The following NT5DC3 variants were observed in gnomAD, a reference collection of about 807,000 sequenced individuals.
NT5DC3 encodes the protein 5'-nucleotidase domain containing 3.
A neutral mutation model predicts 67.8 loss-of-function variants in NT5DC3; 42 were observed. The ratio of observed to expected loss-of-function variants is 0.62; its 90% CI spans 0.48 to 0.80. The LOEUF (loss-of-function observed/expected upper bound fraction) is 0.80, where lower values mean the gene tolerates loss of function less well. Ranked by LOEUF, NT5DC3 falls within the 30% of genes least tolerant of loss-of-function variation. NT5DC3 has a pLI of 0.00. For synonymous variants in NT5DC3, 237 were observed against 255.6 expected (o/e 0.93, Z 0.69); for missense variants, 570 against 696.4 (o/e 0.82, Z 2.04).
chr12:103,799,900 A>G (rs145186292), intron 4 of NT5DC3, among the ~76,000 whole-genome samples: 3 of 151,736 alleles, frequency 2.0e-5, no homozygotes, highest in African/African-American at 7.2e-5. Flanking sequence ...ATTCACCTGG[A>G]CTCATCCACT....
At chr12:103,813,174 C>A (rs1218640346) in intron 2 of NT5DC3, among the ~76,000 whole-genome samples, 1 of 152,202 alleles carries the variant, frequency 6.6e-6, no homozygotes, top group Non-Finnish European at 1.5e-5. Context: ...ACTGAAATGC[C>A]AGCACCAATA....
the NT5DC3 span, among the ~76,000 whole-genome samples, chr12:103,746,871 A>G: frequency 6.6e-6 from 1 of 151,132 alleles, no homozygotes; most frequent in Admixed American, 6.6e-5. Context: ...CTCATGCTTG[A>G]TCTGCTCACC....
Position 103,793,216 on chromosome 12 carries a change from C to T in NT5DC3, c.967G>A (p.Asp323Asn), listed in dbSNP as rs1417745565. ...TTCTCAGCCTGAACAATGACCACAT[C>T]GAACAGGTCCCTCCAGTCTTTCCCA... is the stretch of plus-strand genomic sequence containing the variant. ...IVGKDWRDLF[D>N]VVIVQAEKPN... Residue 323 changes from aspartate to asparagine, a missense_variant, in exon 9 of 14, where the codon GAT becomes AAT. Physicochemically the swap from Asp to Asn is conservative, Grantham distance 23. This residue lies in a region of NT5DC3 where 466 missense variants were observed against 608.0 expected (regional missense o/e 0.77). Transcript: ENST00000392876. 5.0e-6 allele frequency: 8 copies of T among 1,609,192 alleles called. No individual in the cohort carries two copies. Among genetic ancestry groups the T allele is most frequent in the Non-Finnish European group, 6.8e-6 (8 of 1,178,996 alleles).
At chr12:103,753,950 G>T in the NT5DC3 span, among the ~76,000 whole-genome samples, 1 of 152,166 alleles carries the variant, frequency 6.6e-6, no homozygotes, top group Non-Finnish European at 1.5e-5. Context: ...GGAAGGAAAC[G>T]GAGCTCTTTG....
chr12:103,774,304 G>C lies in NT5DC3; in HGVS notation c.*3525C>G, dbSNP rs536475818. 6.6e-6 allele frequency: 1 copy of C among 152,214 alleles called. No individual in the cohort carries two copies. Among genetic ancestry groups the C allele is most frequent in the Non-Finnish European group, 1.5e-5 (1 of 68,038 alleles). 9.4% of individuals were successfully genotyped at this position (152,214 alleles called of 1,614,324 possible). Reference sequence around the variant, plus strand: ...ACAATTTTTTAAATGGCTGAAAACAGATTCATTTCCCTTGTACCAATATGC... The same window carrying C: ...ACAATTTTTTAAATGGCTGAAAACACATTCATTTCCCTTGTACCAATATGC... On this transcript the variant is annotated 3_prime_UTR_variant, in exon 14 of 14. Coordinates refer to ENST00000392876, the MANE Select transcript of NT5DC3 (RefSeq NM_001031701.3).
At chr12:103,796,526 A>G (rs1324427332) in intron 6 of NT5DC3, among the ~76,000 whole-genome samples, 1 of 150,574 alleles carries the variant, frequency 6.6e-6, no homozygotes, top group Non-Finnish European at 1.5e-5. Flanking sequence ...ACTCTGTTCA[A>G]AAAAAAAAGA....
intron 1 of NT5DC3, among the ~76,000 whole-genome samples, chr12:103,828,456 C>T (rs1887784625): frequency 6.6e-6 from 1 of 152,190 alleles, no homozygotes; most frequent in African/African-American, 2.4e-5. Flanking sequence ...CTTTTTACTA[C>T]TTTCTTGTAC....
chr12:103,751,276 C>A, the NT5DC3 span, among the ~76,000 whole-genome samples: 1 of 152,054 alleles, frequency 6.6e-6, no homozygotes, highest in Non-Finnish European at 1.5e-5. Flanking sequence ...CTGGCCAGGA[C>A]AGCATGGCCA....
chr12:103,755,433 T>C, the NT5DC3 span: 6 of 1,613,288 alleles, frequency 3.7e-6, no homozygotes, highest in South Asian at 6.6e-5. Flanking sequence ...CCAACAAGAG[T>C]GAAATGTGGG....
chr12:103,798,753 G>A (rs536630339), intron 4 of NT5DC3, 76 bp from the exon 5 acceptor site: 2 of 1,076,808 alleles, frequency 1.9e-6, no homozygotes, highest in Admixed American at 2.1e-5. Context: ...TGCAGTGCTG[G>A]GATTTTTCAA....
chr12:103,826,723 A>G (rs776669555), intron 1 of NT5DC3, among the ~76,000 whole-genome samples: 10 of 152,226 alleles, frequency 6.6e-5, no homozygotes, highest in Middle Eastern at 3.2e-3. Context: ...AAAATTAAAT[A>G]CAGAGACAAT....
chr12:103,755,771 G>A, the NT5DC3 span: 1 of 1,575,846 alleles, frequency 6.3e-7, no homozygotes, highest in Non-Finnish European at 8.7e-7. Context: ...TTGCCTCAAA[G>A]CAGGTATTAG....
Position 103,840,952 on chromosome 12 carries a change from C to T in NT5DC3, c.205G>A (p.Glu69Lys). The T allele has an allele frequency of 7.4e-7, 1 of 1,355,862 alleles. No individual in the cohort carries two copies. Among genetic ancestry groups the T allele is most frequent in the South Asian group, 1.9e-5 (1 of 53,882 alleles). The allele number at this position is 1,355,862 out of a possible 1,614,324, so 84.0% of individuals were successfully genotyped here. ...ERYREAKRST[E>K]ELVPSIMSNL... ...GCGGGGTCGCCGCCTCACTCACCTT[C>T]TGTGCTTCTCTTCGCCTCCCGGTAG... is the stretch of plus-strand genomic sequence containing the variant. Residue 69 changes from glutamate to lysine, a missense_variant, in exon 1 of 14, where the codon GAA (glutamate) becomes AAA (lysine). Transcript: ENST00000392876.
In NT5DC3 at chr12:103,793,217, G is replaced by A. The variant is rs61748068; in HGVS notation, c.966C>T (p.Phe322=). The A allele has an allele frequency of 0.11, 176,222 of 1,608,054 alleles. 11,678 individuals are homozygous for A. The highest frequency in any genetic ancestry group is 0.29 in the East Asian group (13,103 of 44,864). ...TCTCAGCCTGAACAATGACCACATC[G>A]AACAGGTCCCTCCAGTCTTTCCCAA... ...YIVGKDWRDL[F]DVVIVQAEKP... Residue 322 remains phenylalanine, a synonymous_variant, in exon 9 of 14, where the codon TTC becomes TTT. Coordinates refer to ENST00000392876, the MANE Select transcript of NT5DC3 (RefSeq NM_001031701.3).
chr12:103,809,023 A>G (rs1165160407), intron 2 of NT5DC3, among the ~76,000 whole-genome samples: 2 of 152,234 alleles, frequency 1.3e-5, no homozygotes, highest in Non-Finnish European at 2.9e-5. Context: ...AATTTGCCCA[A>G]GGTCACACAG....
At chr12:103,758,381 G>A in the NT5DC3 span, 1 of 1,575,202 alleles carries the variant, frequency 6.3e-7, no homozygotes, top group Admixed American at 1.7e-5. Flanking sequence ...AAACTCAGTG[G>A]CTACACATTT....
At chr12:103,804,242 C>T (rs1310199075) in intron 4 of NT5DC3, among the ~76,000 whole-genome samples, 2 of 152,160 alleles carry the variant, frequency 1.3e-5, no homozygotes, top group African/African-American at 2.4e-5. Context: ...AGAGCAAAGA[C>T]ATCAATAGAC....
intron 9 of NT5DC3, among the ~76,000 whole-genome samples, chr12:103,792,535 G>C (rs907291015): frequency 2.6e-5 from 4 of 152,180 alleles, no homozygotes; most frequent in Admixed American, 6.5e-5. Context: ...GTGGAGAACA[G>C]CTCTTGGTGA....
chr12:103,760,988 C>T, the NT5DC3 span, among the ~76,000 whole-genome samples: 3 of 89,984 alleles, frequency 3.3e-5, no homozygotes, highest in African/African-American at 5.1e-5. Context: ...GCAGCGTCCA[C>T]AGGCATGGGG....
Sources: gnomAD v4.1 joint callset for allele counts (sites outside exome capture counted in the v4.1 genomes callset) on GRCh38, gnomAD v4.1.1 for gene constraint, gnomAD v4.1.1 regional missense constraint, MANE v1.5 for transcripts, NCBI Gene and HGNC (gene_info 2026-07-23, HGNC 2026-07-21) for gene names.